Variants in SLC9A8 observed in about 807,000 individuals in gnomAD.
SLC9A8 encodes sodium/hydrogen exchanger 8.
A neutral mutation model predicts 66.6 loss-of-function variants in SLC9A8; 48 were observed. The ratio of observed to expected loss-of-function variants is 0.72; its 90% CI spans 0.57 to 0.92. The LOEUF is 0.92. Among genes scored for constraint, SLC9A8 ranks in the 40% least tolerant of loss-of-function variants. The pLI is 0.00. For missense variants in SLC9A8, 599 were observed against 747.3 expected (o/e 0.80, Z 2.31); for synonymous variants, 274 against 282.6 (o/e 0.97, Z 0.31).
chr20:49,845,417 A>G (rs185860979), intron 5 of SLC9A8, among the ~76,000 whole-genome samples: 18 of 152,372 alleles, frequency 1.2e-4, no homozygotes, highest in Non-Finnish European at 1.2e-4. Context: ...CAGATGATGC[A>G]TTGACTCGTC....
Position 49,855,481 on chromosome 20 carries a change from A to G in SLC9A8, c.613A>G (p.Thr205Ala). Residue 205 changes from threonine (T) to alanine (A), a missense_variant, in exon 8 of 16, where the codon ACT becomes GCT. Around this residue, in one of 2 missense-constraint regions of SLC9A8, gnomAD observed 467 missense variants for 626.5 expected, o/e 0.75. Coordinates refer to ENST00000361573, the MANE Select transcript of SLC9A8 (RefSeq NM_015266.3). ...SLISAVDPVA[T>A]IAIFNALHVD... ...AATATCTGCTGTCGATCCAGTGGCCACTATTGCCATTTTCAATGCACTTCA... is the reference window on the plus strand; with the variant it reads ...AATATCTGCTGTCGATCCAGTGGCCGCTATTGCCATTTTCAATGCACTTCA... 1 of 1,614,122 alleles carries G rather than the reference A, an allele frequency of 6.2e-7. No homozygotes were observed. Among genetic ancestry groups the G allele is most frequent in the Non-Finnish European group, 8.5e-7 (1 of 1,180,016 alleles).
intron 13 of SLC9A8, among the ~76,000 whole-genome samples, chr20:49,883,573 T>A (rs1192682726): frequency 6.6e-6 from 1 of 152,198 alleles, no homozygotes; most frequent in Non-Finnish European, 1.5e-5. Flanking sequence ...TCAGGCTTGC[T>A]AAGTCCTCCC....
At chr20:49,830,950 C>T (rs1276940777) in intron 3 of SLC9A8, 1 of 807,486 alleles carries the variant, frequency 1.2e-6, no homozygotes, top group South Asian at 1.3e-5. Flanking sequence ...AGGATCTCTG[C>T]TTAGCCATTG....
At chr20:49,858,000 A>G (rs1330274596) in intron 8 of SLC9A8, among the ~76,000 whole-genome samples, 3 of 152,240 alleles carry the variant, frequency 2.0e-5, no homozygotes, top group African/African-American at 7.2e-5. Flanking sequence ...CACAAGCAAA[A>G]AAGAGAGAAG....
intron 2 of SLC9A8, among the ~76,000 whole-genome samples, chr20:49,819,154 T>G (rs1485900742): frequency 6.6e-6 from 1 of 152,226 alleles, no homozygotes; most frequent in Non-Finnish European, 1.5e-5. Context: ...TGTTATTTAC[T>G]TACACTAGAT....
At chr20:49,858,097 C>A (rs1056059766) in intron 8 of SLC9A8, among the ~76,000 whole-genome samples, 2 of 152,050 alleles carry the variant, frequency 1.3e-5, no homozygotes, top group East Asian at 3.8e-4. Context: ...TAGGCTTATA[C>A]CCCAAATATT....
chr20:49,841,027 G>A (rs373126862), intron 4 of SLC9A8, among the ~76,000 whole-genome samples: 20 of 152,100 alleles, frequency 1.3e-4, no homozygotes, highest in Admixed American at 5.2e-4. Context: ...GATTTTGGGC[G>A]GGTGCGGTGG....
rs183450510 is a variant in SLC9A8, at chr20:49,873,694, C to T, written c.959-1011C>T. ...GCCGAAGCAGGAGAATTGCTTGAAC[C>T]CAGGAGGGGGAGGTTGCAGTGAGTC... On this transcript the variant is annotated intron_variant, in intron 10 of 15. Coordinates refer to ENST00000361573, the MANE Select transcript of SLC9A8 (RefSeq NM_015266.3). Among the ~76,000 whole-genome samples, 11 of 149,774 alleles carry T rather than the reference C, an allele frequency of 7.3e-5. No individual in the cohort carries two copies. The East Asian group carries it at 2.2e-3, about 29-fold the overall frequency.
chr20:49,869,512 G>A (rs1015774711), intron 10 of SLC9A8, among the ~76,000 whole-genome samples: 1 of 142,704 alleles, frequency 7.0e-6, no homozygotes, highest in Non-Finnish European at 1.5e-5. Context: ...GTGAGCCACC[G>A]CGCCCGGCCA....
At chr20:49,825,633 ACT>A (rs1319200892) in intron 3 of SLC9A8, among the ~76,000 whole-genome samples, 3 of 152,010 alleles carry the variant, frequency 2.0e-5, no homozygotes, top group Non-Finnish European at 4.4e-5. Context: ...ACAGAGCAAG[ACT>A]CTGTCTCAAA....
At chr20:49,873,460 C>T (rs1448600200) in intron 10 of SLC9A8, among the ~76,000 whole-genome samples, 8 of 132,738 alleles carry the variant, frequency 6.0e-5, no homozygotes, top group South Asian at 5.0e-4. Flanking sequence ...CCAGCCTGGG[C>T]GACAACGCGA....
At position 49,812,874 on chromosome 20, in the gene SLC9A8, C is replaced by T. The variant is rs1389841416; in HGVS notation, c.-49C>T. The T allele has an allele frequency of 1.0e-5, 15 of 1,494,650 alleles. No homozygotes were observed. Among genetic ancestry groups the T allele is most frequent in the Non-Finnish European group, 1.2e-5 (14 of 1,124,364 alleles). The allele number at this position is 1,494,650 out of a possible 1,614,324, so 92.6% of individuals were successfully genotyped here. A position where few individuals can be genotyped will look rare whatever the true frequency, so the allele number is the denominator to read the frequency against. On this transcript the variant is annotated 5_prime_UTR_variant, in exon 1 of 16. Coordinates refer to ENST00000361573, the MANE Select transcript of SLC9A8 (RefSeq NM_015266.3). Reference sequence around the variant, plus strand: ...GCGGAAGCCGGAAGCAAAAGCGGGTCCTGCTAGCCCCGCGGCTCCGAACTC... The same window carrying T: ...GCGGAAGCCGGAAGCAAAAGCGGGTTCTGCTAGCCCCGCGGCTCCGAACTC...
intron 3 of SLC9A8, chr20:49,830,597 T>C (rs886076271): frequency 4.4e-5 from 27 of 609,888 alleles, no homozygotes; most frequent in Non-Finnish European, 7.4e-5. Flanking sequence ...TCTCAGGGAA[T>C]CAGCAGCTTT....
chr20:49,828,933 GTA>G (rs1395490272), intron 3 of SLC9A8, among the ~76,000 whole-genome samples: 5 of 149,612 alleles, frequency 3.3e-5, no homozygotes, highest in Non-Finnish European at 7.4e-5. Flanking sequence ...GTGTGTGTGT[GTA>G]TGTATGCATT....
intron 15 of SLC9A8, among the ~76,000 whole-genome samples, chr20:49,887,156 C>T (rs1464857453): frequency 1.3e-5 from 2 of 152,156 alleles, no homozygotes; most frequent in African/African-American, 4.8e-5. Flanking sequence ...ATGATAGACT[C>T]GGGGTATTGA....
intron 3 of SLC9A8, chr20:49,831,011 C>T (rs2087158579): frequency 2.7e-6 from 2 of 744,000 alleles, no homozygotes; most frequent in African/African-American, 3.4e-5. Flanking sequence ...TGCAGCCAAC[C>T]AGGTGTACAA....
At chr20:49,882,116 T>C (rs1328815987) in intron 13 of SLC9A8, among the ~76,000 whole-genome samples, 4 of 151,618 alleles carry the variant, frequency 2.6e-5, no homozygotes, top group Admixed American at 2.6e-4. Flanking sequence ...CAATCAGAGC[T>C]TCTCCTCCTT....
At chr20:49,876,747 G>T (rs1220274306) in intron 11 of SLC9A8, among the ~76,000 whole-genome samples, 1 of 152,144 alleles carries the variant, frequency 6.6e-6, no homozygotes, top group Non-Finnish European at 1.5e-5. Context: ...CAGAGCAAAT[G>T]GATACCGTGA....
chr20:49,824,045 C>G (rs1026959745), intron 3 of SLC9A8, among the ~76,000 whole-genome samples: 3 of 152,304 alleles, frequency 2.0e-5, no homozygotes, highest in South Asian at 4.1e-4. Flanking sequence ...CTAGCCTCCC[C>G]CTCCTCCCAT....
Sources: gnomAD v4.1 joint callset for allele counts (sites outside exome capture counted in the v4.1 genomes callset) on GRCh38, gnomAD v4.1.1 for gene constraint, gnomAD v4.1.1 regional missense constraint, MANE v1.5 for transcripts, NCBI Gene and HGNC (gene_info 2026-07-23, HGNC 2026-07-21) for gene names.